SPAG16: variants seen among roughly 807,000 people sequenced by gnomAD.
SPAG16 encodes the protein sperm associated antigen 16.
Under a neutral mutation model 80.4 loss-of-function variants are expected in SPAG16, and 86 were observed. That is an observed-to-expected ratio of 1.07 (90% confidence interval 0.90 to 1.28). The LOEUF (loss-of-function observed/expected upper bound fraction) is 1.28, where lower values mean the gene tolerates loss of function less well. Among genes scored for constraint, SPAG16 ranks in the 50% most tolerant of loss-of-function variants. SPAG16 has a pLI of 0.00. For missense variants in SPAG16, 870 were observed against 765.3 expected, an observed-to-expected ratio of 1.14 and a Z score of -1.61; for synonymous variants, 294 against 265.9, an observed-to-expected ratio of 1.11 and a Z score of -1.03.
At chr2:213,593,538 G>T (rs2060778938) in intron 10 of SPAG16, among the ~76,000 whole-genome samples, 1 of 151,740 alleles carries the variant, frequency 6.6e-6, no homozygotes, top group South Asian at 2.1e-4. Flanking sequence ...AAATAATGTG[G>T]TTTGTATTAT....
intron 10 of SPAG16, among the ~76,000 whole-genome samples, chr2:213,851,722 A>G (rs2074921808): frequency 6.6e-6 from 1 of 152,124 alleles, no homozygotes; most frequent in South Asian, 2.1e-4. Context: ...AGGCATATAC[A>G]ATATGTATAA....
chr2:213,830,447 A>G (rs1001442152), intron 10 of SPAG16, among the ~76,000 whole-genome samples: 1 of 152,116 alleles, frequency 6.6e-6, no homozygotes, highest in African/African-American at 2.4e-5. Flanking sequence ...GAAATTAAAA[A>G]CAGGTACTGT....
intron 10 of SPAG16, among the ~76,000 whole-genome samples, chr2:213,859,681 C>G (rs1575380057): frequency 2.0e-5 from 3 of 152,132 alleles, no homozygotes; most frequent in African/African-American, 7.2e-5. Context: ...ATCCTGGGTT[C>G]AAAGTTGGCT....
At chr2:213,590,987 T>C (rs1402432364) in intron 10 of SPAG16, among the ~76,000 whole-genome samples, 3 of 152,116 alleles carry the variant, frequency 2.0e-5, no homozygotes, top group African/African-American at 7.2e-5. Flanking sequence ...GAACAAAACC[T>C]TTACAGCAAC....
chr2:213,702,376 C>A (rs6435788), intron 10 of SPAG16, among the ~76,000 whole-genome samples: 1 of 152,140 alleles, frequency 6.6e-6, no homozygotes. Context: ...ATAAATCTTG[C>A]TGCTGCTGTT....
At chr2:214,331,400 T>C (rs1165534471) in intron 15 of SPAG16, among the ~76,000 whole-genome samples, 1 of 152,166 alleles carries the variant, frequency 6.6e-6, no homozygotes, top group Non-Finnish European at 1.5e-5. Context: ...CAGGTGGCAA[T>C]CACAGCTTAA....
intron 10 of SPAG16, among the ~76,000 whole-genome samples, chr2:213,856,868 C>G (rs547086070): frequency 6.6e-5 from 10 of 152,228 alleles, no homozygotes; most frequent in Admixed American, 1.3e-4. Flanking sequence ...GCAACAAGTG[C>G]TGAAGTAGAA....
At chr2:213,359,308 G>C (rs1245474653) in intron 7 of SPAG16, among the ~76,000 whole-genome samples, 1 of 152,210 alleles carries the variant, frequency 6.6e-6, no homozygotes, top group Middle Eastern at 3.2e-3. Context: ...GCTTTCTTCA[G>C]AGCTGTCAGA....
At chr2:214,335,384 G>A (rs926009737) in intron 15 of SPAG16, among the ~76,000 whole-genome samples, 1 of 152,052 alleles carries the variant, frequency 6.6e-6, no homozygotes, top group Admixed American at 6.6e-5. Context: ...TGAAGGAACT[G>A]CCTAGGTGAA....
rs1163146309 is a variant in SPAG16 at position 214,012,259 on chromosome 2, C to CATATATATAT, written c.1401-1671_1401-1662dup. Among the ~76,000 whole-genome samples, 163 of 39,826 alleles carry CATATATATAT rather than the reference C, an allele frequency of 4.1e-3. 6 individuals are homozygous for CATATATATAT. Among genetic ancestry groups the CATATATATAT allele is most frequent in the Non-Finnish European group, 6.3e-3 (130 of 20,690 alleles). 26.1% of individuals were successfully genotyped at this position (39,826 alleles called of 152,430 possible). ...TTATATATATATATTTTTATACTTACATATATATATATATATATATATATA... is the reference window on the plus strand; with the variant it reads ...TTATATATATATATTTTTATACTTACATATATATATATATATATATATATATATATATATA... On this transcript the variant is annotated intron_variant, in intron 12 of 15. Transcript: ENST00000331683.
intron 10 of SPAG16, among the ~76,000 whole-genome samples, chr2:213,605,946 A>G (rs1412077703): frequency 6.6e-6 from 1 of 152,148 alleles, no homozygotes; most frequent in East Asian, 1.9e-4. Context: ...CCATACTGCA[A>G]TTTTTTTCAT....
intron 14 of SPAG16, among the ~76,000 whole-genome samples, chr2:214,111,146 T>A (rs559454165): frequency 4.6e-5 from 7 of 152,288 alleles, no homozygotes; most frequent in African/African-American, 1.7e-4. Context: ...TAGATCCCAT[T>A]TGTCTATTCT....
At chr2:213,832,787 T>C (rs967296198) in intron 10 of SPAG16, among the ~76,000 whole-genome samples, 50 of 152,156 alleles carry the variant, frequency 3.3e-4, no homozygotes, top group Admixed American at 1.9e-3. Flanking sequence ...TTTGGGCCTT[T>C]GGATCTTCAT....
intron 15 of SPAG16, among the ~76,000 whole-genome samples, chr2:214,409,894 T>C (rs559959093): frequency 2.0e-5 from 3 of 152,318 alleles, no homozygotes; most frequent in Non-Finnish European, 4.4e-5. Context: ...GAAATCTGCA[T>C]ATAAAGGAGG....
chr2:213,870,024 A>G (rs1365817), intron 11 of SPAG16, among the ~76,000 whole-genome samples: 90,388 of 152,030 alleles, frequency 0.59, 28,752 homozygotes, highest in South Asian at 0.85. Context: ...AATGCTATGT[A>G]TATTTATGAT....
chr2:214,023,902 T>C (rs554339351), intron 13 of SPAG16, among the ~76,000 whole-genome samples: 6 of 151,868 alleles, frequency 4.0e-5, no homozygotes, highest in African/African-American at 1.4e-4. Context: ...ATTTAATTAA[T>C]TGAATTAATT....
intron 11 of SPAG16, among the ~76,000 whole-genome samples, chr2:213,896,759 G>A (rs1302824709): frequency 6.6e-6 from 1 of 151,860 alleles, no homozygotes; most frequent in Non-Finnish European, 1.5e-5. Context: ...GGAACTGGTG[G>A]CTCATTATGT....
chr2:213,817,464 G>A (rs1173662505), intron 10 of SPAG16, among the ~76,000 whole-genome samples: 2 of 151,728 alleles, frequency 1.3e-5, no homozygotes, highest in African/African-American at 2.4e-5. Flanking sequence ...ATTTGATGCA[G>A]TAATCTCACT....
chr2:214,183,850 T>C (rs1156361344), intron 15 of SPAG16, among the ~76,000 whole-genome samples: 1 of 152,086 alleles, frequency 6.6e-6, no homozygotes, highest in Non-Finnish European at 1.5e-5. Context: ...TTACCCCATC[T>C]GAGATTATAA....
Sources: gnomAD v4.1 joint callset for allele counts (sites outside exome capture counted in the v4.1 genomes callset) on GRCh38, gnomAD v4.1.1 for gene constraint, MANE v1.5 for transcripts, NCBI Gene and HGNC (gene_info 2026-07-23, HGNC 2026-07-21) for gene names.